The following APBB2 variants were observed in gnomAD, a reference collection of about 807,000 sequenced individuals.
The protein encoded by APBB2 is amyloid beta precursor protein binding family B member 2.
A neutral mutation model predicts 82.5 loss-of-function variants in APBB2; 38 were observed. The observed-to-expected ratio is 0.46, with a 90% confidence interval of 0.36 to 0.60. The LOEUF (loss-of-function observed/expected upper bound fraction) is 0.60. APBB2 is among the 20% of genes least tolerant of loss of function. The pLI is 0.00. For missense variants in APBB2, 772 were observed against 972.3 expected (o/e 0.79, Z 2.74); for synonymous variants, 341 against 368.2 (o/e 0.93, Z 0.85).
intron 4 of APBB2, among the ~76,000 whole-genome samples, chr4:41,049,320 G>C (rs567035550): frequency 9.3e-6 from 1 of 107,696 alleles, no homozygotes; most frequent in Admixed American, 9.8e-5. Context: ...CAGCCGCCCC[G>C]TCGGAGAAGT....
chr4:41,210,386 T>A (rs1442621614), intron 1 of APBB2, among the ~76,000 whole-genome samples: 1 of 152,140 alleles, frequency 6.6e-6, no homozygotes, highest in African/African-American at 2.4e-5. Flanking sequence ...TGAATTGAAG[T>A]AAGGGACAAG....
intron 4 of APBB2, among the ~76,000 whole-genome samples, chr4:41,057,171 C>T (rs1367483796): frequency 6.6e-6 from 1 of 152,190 alleles, no homozygotes; most frequent in Non-Finnish European, 1.5e-5. Flanking sequence ...AATATTCAGG[C>T]AGGGCACGGT....
intron 2 of APBB2, 72 bp from the exon 3 acceptor site, chr4:41,100,822 T>G (rs1357936891): frequency 6.6e-6 from 1 of 152,212 alleles, no homozygotes; most frequent in South Asian, 2.1e-4. Context: ...AATACCCGAC[T>G]GTCATTCAGA....
At chr4:41,148,327 G>T (rs1199920018) in intron 1 of APBB2, among the ~76,000 whole-genome samples, 1 of 152,162 alleles carries the variant, frequency 6.6e-6, no homozygotes, top group Non-Finnish European at 1.5e-5. Context: ...AGAGGTTGTG[G>T]TTCCAGGTCT....
At chr4:41,072,132 T>A (rs540356558) in intron 3 of APBB2, among the ~76,000 whole-genome samples, 2 of 152,284 alleles carry the variant, frequency 1.3e-5, no homozygotes, top group African/African-American at 4.8e-5. Context: ...AAATCCAAGT[T>A]ACAGAGCCAG....
At chr4:40,902,665 C>T (rs1312064675) in intron 10 of APBB2, among the ~76,000 whole-genome samples, 1 of 152,188 alleles carries the variant, frequency 6.6e-6, no homozygotes, top group Non-Finnish European at 1.5e-5. Context: ...TCCCAAGTGG[C>T]TGGGACTACA....
chr4:41,071,159 G>A (rs1324843073), intron 3 of APBB2, among the ~76,000 whole-genome samples: 1 of 152,174 alleles, frequency 6.6e-6, no homozygotes, highest in East Asian at 1.9e-4. Context: ...TTTAAGATAT[G>A]TAATAGCTCT....
At chr4:40,974,263 A>C (rs1796635337) in intron 6 of APBB2, among the ~76,000 whole-genome samples, 1 of 152,196 alleles carries the variant, frequency 6.6e-6, no homozygotes. Context: ...TGTCAGACTT[A>C]TAGGTACCAG....
intron 3 of APBB2, among the ~76,000 whole-genome samples, chr4:41,090,689 T>C (rs921065613): frequency 3.3e-5 from 5 of 152,204 alleles, no homozygotes; most frequent in African/African-American, 1.2e-4. Flanking sequence ...TTTTTGATAT[T>C]GAAAGGGGTC....
At chr4:40,988,891 A>C (rs916789781) in intron 6 of APBB2, among the ~76,000 whole-genome samples, 2 of 150,692 alleles carry the variant, frequency 1.3e-5, no homozygotes, top group Non-Finnish European at 3.0e-5. Flanking sequence ...TCAGCCTCCC[A>C]AGTAGCTGGG....
At position 40,945,437 on chromosome 4, in the gene APBB2, T is replaced by C. The variant is rs553883252; in HGVS notation, c.836-364A>G. ...ATACACAGTGTACTGAATGCTTTTG[T>C]CAATTATTAAGATTTATTGGTTGGC... On this transcript the variant is annotated intron_variant, in intron 6 of 17. Transcript: ENST00000508593. Among the ~76,000 whole-genome samples, 4 of 152,318 alleles carry C rather than the reference T, an allele frequency of 2.6e-5. No individual in the cohort carries two copies. The South Asian group carries it at 6.2e-4, about 24-fold the overall frequency.
At chr4:40,885,359 T>C (rs1009841732) in intron 12 of APBB2, among the ~76,000 whole-genome samples, 7 of 152,102 alleles carry the variant, frequency 4.6e-5, no homozygotes, top group Non-Finnish European at 1.0e-4. Context: ...GGTATAACCT[T>C]ATAAGGGGGA....
intron 12 of APBB2, among the ~76,000 whole-genome samples, chr4:40,870,327 T>C (rs1765134490): frequency 6.6e-6 from 1 of 152,102 alleles, no homozygotes; most frequent in South Asian, 2.1e-4. Context: ...TTCTGAGTGC[T>C]CACCAGGGGA....
At position 40,994,793 on chromosome 4, in the gene APBB2, C is replaced by T. The variant is rs544019205; in HGVS notation, c.835+18790G>A. On this transcript the variant is annotated intron_variant, in intron 6 of 17. Transcript: ENST00000508593. ...TGTGCCACTACACTCCAGCCTGGGG[C>T]GACAGAGCAAGACTCCGGAAAAAAA... Among the ~76,000 whole-genome samples, 9 of 125,786 alleles carry T rather than the reference C, an allele frequency of 7.2e-5. No individual in the cohort carries two copies. The East Asian group carries it at 1.3e-3, about 19-fold the overall frequency. The allele number at this position is 125,786 out of a possible 152,430, so 82.5% of individuals were successfully genotyped here. A position where few individuals can be genotyped will look rare whatever the true frequency, so the allele number is the denominator to read the frequency against.
At chr4:40,980,624 C>T (rs915794098) in intron 6 of APBB2, among the ~76,000 whole-genome samples, 1 of 152,182 alleles carries the variant, frequency 6.6e-6, no homozygotes. Context: ...GTGTCAAAAA[C>T]AGTAGAAATT....
intron 3 of APBB2, among the ~76,000 whole-genome samples, chr4:41,089,262 G>T (rs1740893477): frequency 6.6e-6 from 1 of 152,108 alleles, no homozygotes; most frequent in African/African-American, 2.4e-5. Context: ...GAAGGGTTTT[G>T]AACTTCAGAT....
intron 17 of APBB2, among the ~76,000 whole-genome samples, chr4:40,818,420 T>C (rs1403128523): frequency 6.6e-6 from 1 of 152,240 alleles, no homozygotes; most frequent in Admixed American, 6.5e-5. Context: ...ATAAAACTCA[T>C]TGTCGTTATC....
chr4:41,025,773 G>C (rs951850699), intron 5 of APBB2, among the ~76,000 whole-genome samples: 2 of 150,852 alleles, frequency 1.3e-5, no homozygotes, highest in Admixed American at 6.6e-5. Flanking sequence ...ACAAAAACTA[G>C]CTGGGTGTGG....
chr4:41,122,863 A>T (rs2661658), intron 2 of APBB2, among the ~76,000 whole-genome samples: 151,892 of 152,286 alleles, frequency 1, 75,749 homozygotes, highest in Middle Eastern at 1. Flanking sequence ...GCCCTCCGAA[A>T]CCTGTCCCTC....
Sources: gnomAD v4.1 joint callset for allele counts (sites outside exome capture counted in the v4.1 genomes callset) on GRCh38, gnomAD v4.1.1 for gene constraint, MANE v1.5 for transcripts, NCBI Gene and HGNC (gene_info 2026-07-23, HGNC 2026-07-21) for gene names.